USF3: variants seen among roughly 807,000 people sequenced by gnomAD.
USF3 encodes the protein basic helix-loop-helix domain-containing protein USF3.
Under a neutral mutation model 157.5 loss-of-function variants are expected in USF3, and 29 were observed. That is an observed-to-expected ratio of 0.18 (90% confidence interval 0.14 to 0.25). The LOEUF is 0.25. USF3 is among the 10% of genes least tolerant of loss of function. The pLI is 1.00. For synonymous variants in USF3, 893 were observed against 941.4 expected (o/e 0.95, Z 0.94); for missense variants, 2,381 against 2,667.6 (o/e 0.89, Z 2.37).
chr3:113,664,420 A>C lies in USF3; in HGVS notation c.160-11T>G. 6.5e-7 allele frequency: 1 copy of C among 1,529,078 alleles called. No individual in the cohort carries two copies. The highest frequency in any genetic ancestry group is 2.3e-5 in the East Asian group (1 of 44,302). 94.7% of individuals were successfully genotyped at this position (1,529,078 alleles called of 1,614,324 possible). ...GATCATATTCTTGCTCTGTCCAAGAAAATTTTAAAAGTTTACAAGTTTCAC... is the reference window on the plus strand; with the variant it reads ...GATCATATTCTTGCTCTGTCCAAGACAATTTTAAAAGTTTACAAGTTTCAC... On this transcript the variant is annotated splice_polypyrimidine_tract_variant and intron_variant, in intron 5 of 6. Transcript: ENST00000316407.
chr3:113,650,083 C>T lies in USF3; in HGVS notation c.*4861G>A. 1 of 540,212 alleles carries T rather than the reference C, an allele frequency of 1.9e-6. No homozygotes were observed. The highest frequency in any genetic ancestry group is 2.5e-5 in the South Asian group (1 of 39,798). The allele number at this position is 540,212 out of a possible 1,614,324, so 33.5% of individuals were successfully genotyped here. ...ACTGTTGCCCTCTGGATGTACACAG[C>T]CACAGGCGCACTACCTCCAGGCAAA... is the stretch of plus-strand genomic sequence containing the variant. On this transcript the variant is annotated 3_prime_UTR_variant, in exon 7 of 7. Transcript: ENST00000316407.
At chr3:113,694,256 G>A (rs1405014760) in intron 1 of USF3, among the ~76,000 whole-genome samples, 1 of 152,192 alleles carries the variant, frequency 6.6e-6, no homozygotes, top group Non-Finnish European at 1.5e-5. Context: ...ACCTGTTGAA[G>A]CTTGTATTCT....
In USF3 at chr3:113,649,065, C is replaced by T. The variant is rs939315610; in HGVS notation, c.*5879G>A. The T allele has an allele frequency of 2.6e-5, 4 of 152,430 alleles. No homozygotes were observed. The highest frequency in any genetic ancestry group is 9.7e-5 in the African/African-American group (4 of 41,368). The allele number at this position is 152,430 out of a possible 1,614,324, so 9.4% of individuals were successfully genotyped here. On this transcript the variant is annotated 3_prime_UTR_variant, in exon 7 of 7. Transcript: ENST00000316407. Reference sequence around the variant, plus strand: ...CAAGCCCAGTACCTCAGTGACTTCACAGATGAAAAATGATTTGAAGACTTC... The same window carrying T: ...CAAGCCCAGTACCTCAGTGACTTCATAGATGAAAAATGATTTGAAGACTTC...
intron 1 of USF3, among the ~76,000 whole-genome samples, chr3:113,682,113 T>C (rs1166929258): frequency 6.6e-6 from 1 of 152,084 alleles, no homozygotes; most frequent in Non-Finnish European, 1.5e-5. Context: ...TGCTGGAGCC[T>C]AGGAGTTCAA....
chr3:113,679,123 G>A (rs892408927), intron 1 of USF3, among the ~76,000 whole-genome samples: 1 of 150,912 alleles, frequency 6.6e-6, no homozygotes. Context: ...TTAATATTTT[G>A]GCTCCCTTAG....
At position 113,649,782 on chromosome 3, in the gene USF3, C is replaced by G. The variant is rs1869632; in HGVS notation, c.*5162G>C. On this transcript the variant is annotated 3_prime_UTR_variant, in exon 7 of 7. Coordinates refer to ENST00000316407, the MANE Select transcript of USF3 (RefSeq NM_001009899.4). Reference sequence around the variant, plus strand: ...AGCTCTGTGTCCAACAAGGTCCTCACGCTTCTTATCAGCATGGACTGACTC... The same window carrying G: ...AGCTCTGTGTCCAACAAGGTCCTCAGGCTTCTTATCAGCATGGACTGACTC... 5.7e-6 allele frequency: 4 copies of G among 701,810 alleles called. No individual in the cohort carries two copies. Among genetic ancestry groups the G allele is most frequent in the Middle Eastern group, 2.3e-4 (1 of 4,370 alleles). 43.5% of individuals were successfully genotyped at this position (701,810 alleles called of 1,614,324 possible). A position where few individuals can be genotyped will look rare whatever the true frequency, so the allele number is the denominator to read the frequency against.
In USF3 at chr3:113,657,589, C is replaced by T; in HGVS notation, c.4093G>A (p.Asp1365Asn). The T allele has an allele frequency of 6.2e-7, 1 of 1,614,162 alleles. No homozygotes were observed. The highest frequency in any genetic ancestry group is 8.5e-7 in the Non-Finnish European group (1 of 1,180,028). Reference sequence around the variant, plus strand: ...ATTTGAGTTTGGTCAGAAATGGTGTCTGGAGTTCTGCTCATCAGGGACATA... The same window carrying T: ...ATTTGAGTTTGGTCAGAAATGGTGTTTGGAGTTCTGCTCATCAGGGACATA... ...ESMSLMSRTP[D>N]TISDQTQMMV... Residue 1365 changes from aspartate (D) to asparagine (N), a missense_variant, in exon 7 of 7, where the codon GAC (aspartate) becomes AAC (asparagine). Transcript: ENST00000316407.
Position 113,660,635 on chromosome 3 carries a change from T to G in USF3, c.1047A>C (p.Arg349Ser). Residue 349 changes from arginine to serine, a missense_variant, in exon 7 of 7, where the codon AGA becomes AGC. This residue lies in a region of USF3 where 1,435 missense variants were observed against 1,550.9 expected (regional missense o/e 0.93). Coordinates refer to ENST00000316407, the MANE Select transcript of USF3 (RefSeq NM_001009899.4). ...TCATTGGAGAAGAATCACCTGCAGT[T>G]CTGGGAGGCTGCGAGCAGACTGTGG... is the stretch of plus-strand genomic sequence containing the variant. ...VTTTVCSQPP[R>S]TAGDSSPMSI... The G allele has an allele frequency of 6.2e-7, 1 of 1,614,130 alleles. No homozygotes were observed. The highest frequency in any genetic ancestry group is 8.5e-7 in the Non-Finnish European group (1 of 1,180,012).
rs750257025 is a variant in USF3 at position 113,655,995 on chromosome 3, G to A, written c.5687C>T (p.Pro1896Leu). ...INTRNSTLNI[P>L]FSSSSSSGDI... Reference sequence around the variant, plus strand: ...TCCTGAGGAAGAGGAACTTGAAAAAGGAATATTCAAGGTGCTGTTCCTGGT... The same window carrying A: ...TCCTGAGGAAGAGGAACTTGAAAAAAGAATATTCAAGGTGCTGTTCCTGGT... Residue 1896 changes from proline (P) to leucine (L), a missense_variant, in exon 7 of 7, where the codon CCT becomes CTT. Around this residue, in one of 6 missense-constraint regions of USF3, gnomAD observed 770 missense variants for 824.2 expected, o/e 0.93. Coordinates refer to ENST00000316407, the MANE Select transcript of USF3 (RefSeq NM_001009899.4). 1.2e-6 allele frequency: 2 copies of A among 1,614,104 alleles called. No homozygotes were observed. Among genetic ancestry groups the A allele is most frequent in the Admixed American group, 1.7e-5 (1 of 60,034 alleles).
At chr3:113,686,694 T>C (rs1707555660) in intron 1 of USF3, among the ~76,000 whole-genome samples, 1 of 152,242 alleles carries the variant, frequency 6.6e-6, no homozygotes, top group African/African-American at 2.4e-5. Flanking sequence ...CCTCAGTGCT[T>C]GTGATCTATA....
At chr3:113,670,787 C>T (rs1707136378) in intron 4 of USF3, among the ~76,000 whole-genome samples, 2 of 152,104 alleles carry the variant, frequency 1.3e-5, no homozygotes, top group Admixed American at 6.6e-5. Context: ...GACAGGGTCC[C>T]CCAGGCTGGA....
intron 1 of USF3, among the ~76,000 whole-genome samples, chr3:113,687,690 C>T (rs1366788834): frequency 6.6e-6 from 1 of 152,172 alleles, no homozygotes; most frequent in Non-Finnish European, 1.5e-5. Flanking sequence ...TCTACAATTA[C>T]TTTTACTAAT....
chr3:113,673,766 G>A (rs909173106), intron 3 of USF3, among the ~76,000 whole-genome samples: 1 of 152,214 alleles, frequency 6.6e-6, no homozygotes, highest in Non-Finnish European at 1.5e-5. Context: ...GGACCAGTAC[G>A]GGTGTGCGTG....
intron 1 of USF3, among the ~76,000 whole-genome samples, chr3:113,689,740 G>A (rs965817097): frequency 6.6e-6 from 1 of 152,152 alleles, no homozygotes; most frequent in African/African-American, 2.4e-5. Context: ...CTGCTTCCTT[G>A]GAGGTCAGGG....
chr3:113,654,757 G>A lies in USF3; in HGVS notation c.*187C>T, dbSNP rs1449550807. ...GTACACCATGCAGTTGAAAACGAAA[G>A]ATAACTTGTTTTCTGACAACCCAGT... On this transcript the variant is annotated 3_prime_UTR_variant, in exon 7 of 7. Transcript: ENST00000316407. 8.7e-6 allele frequency: 5 copies of A among 577,194 alleles called. No homozygotes were observed. Among genetic ancestry groups the A allele is most frequent in the African/African-American group, 3.8e-5 (2 of 53,176 alleles). 35.8% of individuals were successfully genotyped at this position (577,194 alleles called of 1,614,324 possible).
chr3:113,651,254 C>A lies in USF3; in HGVS notation c.*3690G>T, dbSNP rs1340659521. ...GACTCAGACATAACTTCGTGTATTTCCAGAAGTTAAAAAATTTAAATCAAT... is the reference window on the plus strand; with the variant it reads ...GACTCAGACATAACTTCGTGTATTTACAGAAGTTAAAAAATTTAAATCAAT... On this transcript the variant is annotated 3_prime_UTR_variant, in exon 7 of 7. Coordinates refer to ENST00000316407, the MANE Select transcript of USF3 (RefSeq NM_001009899.4). The A allele has an allele frequency of 6.6e-6, 1 of 152,122 alleles. No homozygotes were observed. The highest frequency in any genetic ancestry group is 2.4e-5 in the African/African-American group (1 of 41,418). The allele number at this position is 152,122 out of a possible 1,614,324, so 9.4% of individuals were successfully genotyped here. A position where few individuals can be genotyped will look rare whatever the true frequency, so the allele number is the denominator to read the frequency against.
chr3:113,670,574 T>G (rs1707130088), intron 4 of USF3, among the ~76,000 whole-genome samples: 1 of 150,862 alleles, frequency 6.6e-6, no homozygotes, highest in South Asian at 2.1e-4. Context: ...CTCTCCACCC[T>G]GCGTGACAGA....
At chr3:113,669,609 GATA>G (rs1229463485) in intron 5 of USF3, among the ~76,000 whole-genome samples, 4 of 151,716 alleles carry the variant, frequency 2.6e-5, no homozygotes, top group African/African-American at 4.8e-5. Context: ...TTATTAGAGG[GATA>G]ATAATAATTA....
At chr3:113,680,272 C>T (rs375253947) in intron 1 of USF3, among the ~76,000 whole-genome samples, 1 of 151,700 alleles carries the variant, frequency 6.6e-6, no homozygotes, top group African/African-American at 2.4e-5. Context: ...ACTTTGATAT[C>T]ATTACTTGTT....
Sources: allele counts gnomAD v4.1 joint callset (sites outside exome capture counted in the v4.1 genomes callset), GRCh38; gene constraint gnomAD v4.1.1; regional missense constraint gnomAD v4.1.1; transcripts MANE v1.5; gene names NCBI Gene and HGNC (gene_info 2026-07-23, HGNC 2026-07-21).